ABHD14A: variants seen among roughly 807,000 people sequenced by gnomAD.
ABHD14A encodes the protein abhydrolase domain containing 14A.
A neutral mutation model predicts 27.0 loss-of-function variants in ABHD14A; 19 were observed. The ratio of observed to expected loss-of-function variants is 0.70; its 90% CI spans 0.49 to 1.03. ABHD14A has a LOEUF of 1.03. Ranked by LOEUF, ABHD14A falls within the 50% of genes least tolerant of loss-of-function variation. ABHD14A has a pLI of 0.00. For missense variants in ABHD14A, 311 were observed against 344.6 expected (o/e 0.90, Z 0.77); for synonymous variants, 148 against 158.8 (o/e 0.93, Z 0.51).
Position 51,980,450 on chromosome 3 carries a change from T to C in ABHD14A, c.455T>C (p.Leu152Pro). The C allele has an allele frequency of 1.2e-6, 2 of 1,613,406 alleles. No homozygotes were observed. The highest frequency in any genetic ancestry group is 1.1e-5 in the South Asian group (1 of 91,056). The part of the protein sequence containing the change: ...EASTEAGRAA[L>P]LERALRDLEV... ...AGCACAGAGGCAGGGCGGGCAGCGC[T>C]GCTGGAGCGGGCGCTGCGGGACCTG... is the stretch of plus-strand genomic sequence containing the variant. The change falls in exon 4 of 5, where the codon CTG becomes CCG. Residue 152 changes from leucine (L) to proline (P), a missense_variant. Transcript: ENST00000273596.
At chr3:51,980,323 C>A in intron 3 of ABHD14A, 70 bp from the exon 4 acceptor site, 2 of 1,462,520 alleles carry the variant, frequency 1.4e-6, no homozygotes, top group East Asian at 2.3e-5. Context: ...CTTTTTCCCC[C>A]ACTGTGGTGG....
chr3:51,978,717 C>T (rs1481679008), intron 3 of ABHD14A: 1 of 271,674 alleles, frequency 3.7e-6, no homozygotes, highest in Non-Finnish European at 7.6e-6. Flanking sequence ...TCCGCTTCCC[C>T]AGTAGCTGAG....
At chr3:51,979,835 A>G (rs1245921792) in intron 3 of ABHD14A, among the ~76,000 whole-genome samples, 1 of 151,896 alleles carries the variant, frequency 6.6e-6, no homozygotes, top group Non-Finnish European at 1.5e-5. Flanking sequence ...CTCCAAAAAC[A>G]CTATATGGAT....
chr3:51,977,667 C>T (rs539255982), intron 1 of ABHD14A, among the ~76,000 whole-genome samples: 1 of 152,364 alleles, frequency 6.6e-6, no homozygotes, highest in Non-Finnish European at 1.5e-5. Flanking sequence ...GATGCACCTC[C>T]TCACACTGTG....
chr3:51,977,756 G>A, intron 1 of ABHD14A, 115 bp from the exon 2 acceptor site: 1 of 1,005,446 alleles, frequency 9.9e-7, no homozygotes, highest in Non-Finnish European at 1.5e-6. Context: ...AAGGGAAAGG[G>A]CAAGGGCTGG....
At chr3:51,978,577 TC>T (rs953839181) in intron 3 of ABHD14A, 1 of 383,464 alleles carries the variant, frequency 2.6e-6, no homozygotes, top group Non-Finnish European at 4.6e-6. Context: ...CAGTATACTT[TC>T]TTTTTTTTTA....
At chr3:51,977,785 G>A (rs1235056632) in intron 1 of ABHD14A, 86 bp from the exon 2 acceptor site, 16 of 1,270,688 alleles carry the variant, frequency 1.3e-5, no homozygotes, top group Non-Finnish European at 1.6e-5. Context: ...CTCTGCTGGG[G>A]ACTCTGGGTG....
chr3:51,980,023 T>C (rs2106817061), intron 3 of ABHD14A, among the ~76,000 whole-genome samples: 1 of 151,036 alleles, frequency 6.6e-6, no homozygotes, highest in East Asian at 2.0e-4. Flanking sequence ...CCGGGGTTCA[T>C]GCCATTCTCC....
Position 51,981,188 on chromosome 3 carries a change from G to T in ABHD14A, c.*170G>T, listed in dbSNP as rs1177079673. 2 of 715,838 alleles carry T rather than the reference G, an allele frequency of 2.8e-6. No homozygotes were observed. The highest frequency in any genetic ancestry group is 3.0e-5 in the Admixed American group (1 of 33,234). 44.3% of individuals were successfully genotyped at this position (715,838 alleles called of 1,614,324 possible). A position where few individuals can be genotyped will look rare whatever the true frequency, so the allele number is the denominator to read the frequency against. On this transcript the variant is annotated 3_prime_UTR_variant, in exon 5 of 5. Coordinates refer to ENST00000273596, the MANE Select transcript of ABHD14A (RefSeq NM_015407.5). ...CACAATAAAAAAGCATATTTGTCCTGCCTGGGAAGTGACAGGTTCCGTTTC... is the reference window on the plus strand; with the variant it reads ...CACAATAAAAAAGCATATTTGTCCTTCCTGGGAAGTGACAGGTTCCGTTTC...
At chr3:51,975,995 A>G (rs965226815) in intron 1 of ABHD14A, among the ~76,000 whole-genome samples, 2 of 152,336 alleles carry the variant, frequency 1.3e-5, no homozygotes, top group African/African-American at 4.8e-5. Flanking sequence ...GTCCACTACA[A>G]TTTCCTAGTA....
At chr3:51,977,545 A>C (rs1700811270) in intron 1 of ABHD14A, among the ~76,000 whole-genome samples, 1 of 152,210 alleles carries the variant, frequency 6.6e-6, no homozygotes, top group African/African-American at 2.4e-5. Context: ...CTTGTATGTG[A>C]AGTGCCACAC....
chr3:51,980,908 C>G lies in ABHD14A; in HGVS notation c.706C>G (p.Leu236Val). 1.2e-6 allele frequency: 2 copies of G among 1,614,202 alleles called. No homozygotes were observed. The highest frequency in any genetic ancestry group is 1.1e-5 in the South Asian group (1 of 91,092). ...ARESLRQLRHLPNHSVVKLRN... is the reference protein window; with the variant it reads ...ARESLRQLRHVPNHSVVKLRN... Reference sequence around the variant, plus strand: ...AGAGTCACTGCGGCAGCTCCGCCACCTGCCCAACCACTCTGTGGTGAAGCT... The same window carrying G: ...AGAGTCACTGCGGCAGCTCCGCCACGTGCCCAACCACTCTGTGGTGAAGCT... Residue 236 changes from leucine to valine, a missense_variant, in exon 5 of 5, where the codon CTG becomes GTG. Transcript: ENST00000273596.
chr3:51,975,963 C>A (rs1033664539), intron 1 of ABHD14A, among the ~76,000 whole-genome samples: 1 of 152,270 alleles, frequency 6.6e-6, no homozygotes, highest in African/African-American at 2.4e-5. Context: ...CCCCGCAAAC[C>A]CCCGCAGGCG....
rs1700900913 is a variant in ABHD14A, at chr3:51,981,102, G to A, written c.*84G>A. 3 of 1,490,014 alleles carry A rather than the reference G, an allele frequency of 2.0e-6. No homozygotes were observed. The highest frequency in any genetic ancestry group is 1.4e-5 in the African/African-American group (1 of 71,234). The allele number at this position is 1,490,014 out of a possible 1,614,324, so 92.3% of individuals were successfully genotyped here. ...TCCCTGAACCAGGGAGACAGCCTCTGGGATTGGAGGCCAGAGGCCAGGGTC... is the reference window on the plus strand; with the variant it reads ...TCCCTGAACCAGGGAGACAGCCTCTAGGATTGGAGGCCAGAGGCCAGGGTC... On this transcript the variant is annotated 3_prime_UTR_variant, in exon 5 of 5. Coordinates refer to ENST00000273596, the MANE Select transcript of ABHD14A (RefSeq NM_015407.5).
chr3:51,975,300 G>A (rs1700762726), intron 1 of ABHD14A, 96 bp downstream of exon 1: 4 of 1,150,664 alleles, frequency 3.5e-6, no homozygotes, highest in Non-Finnish European at 4.4e-6. Context: ...GAGTCCCGCG[G>A]AAGAAGCAGA....
At chr3:51,975,286 G>C in intron 1 of ABHD14A, 82 bp downstream of exon 1, 1 of 1,199,360 alleles carries the variant, frequency 8.3e-7, no homozygotes, top group Non-Finnish European at 1.0e-6. Flanking sequence ...GGCGCCCCGG[G>C]GCAGAGTCCC....
rs116315797 is a variant in ABHD14A at position 51,980,269 on chromosome 3, C to A, written c.398-124C>A. The A allele has an allele frequency of 4.3e-3, 3,557 of 827,996 alleles. 76 individuals carry two copies. In the African/African-American group the frequency reaches 0.053, roughly 12 times the overall value. The allele number at this position is 827,996 out of a possible 1,614,324, so 51.3% of individuals were successfully genotyped here. A position where few individuals can be genotyped will look rare whatever the true frequency, so the allele number is the denominator to read the frequency against. ...ATATTACATTACCAGAAAATAGCTT[C>A]TGGGCAGTTTTAGGTAGTGTGTGCC... On this transcript the variant is annotated intron_variant, in intron 3 of 4. Coordinates refer to ENST00000273596, the MANE Select transcript of ABHD14A (RefSeq NM_015407.5).
Position 51,980,941 on chromosome 3 carries a change from G to T in ABHD14A, c.739G>T (p.Ala247Ser). Residue 247 changes from alanine to serine, a missense_variant, in exon 5 of 5, where the codon GCA becomes TCA. Coordinates refer to ENST00000273596, the MANE Select transcript of ABHD14A (RefSeq NM_015407.5). ...PNHSVVKLRN[A>S]GHACYLHKPQ... is the part of the protein sequence containing the mutation. ...CCACTCTGTGGTGAAGCTACGCAATGCAGGCCATGCCTGTTACCTCCACAA... is the reference window on the plus strand; with the variant it reads ...CCACTCTGTGGTGAAGCTACGCAATTCAGGCCATGCCTGTTACCTCCACAA... 3 of 1,614,142 alleles carry T rather than the reference G, an allele frequency of 1.9e-6. No individual in the cohort carries two copies. Among genetic ancestry groups the T allele is most frequent in the Non-Finnish European group, 2.5e-6 (3 of 1,180,036 alleles).
At position 51,981,008 on chromosome 3, in the gene ABHD14A, A is replaced by G; in HGVS notation, c.806A>G (p.His269Arg). ...FHLVLLAFLD[H>R]LP ...CTTGTCCTGCTTGCCTTCCTTGACC[A>G]TCTACCTTGAACTAACCCACTCCCA... Residue 269 changes from histidine (H) to arginine (R), a missense_variant, in exon 5 of 5, where the codon CAT (histidine) becomes CGT (arginine). By Grantham distance (29) the His-to-Arg change is conservative. Coordinates refer to ENST00000273596, the MANE Select transcript of ABHD14A (RefSeq NM_015407.5). 6.2e-7 allele frequency: 1 copy of G among 1,612,458 alleles called. No individual in the cohort carries two copies. Among genetic ancestry groups the G allele is most frequent in the Non-Finnish European group, 8.5e-7 (1 of 1,178,658 alleles).
Sources: allele counts gnomAD v4.1 joint callset (sites outside exome capture counted in the v4.1 genomes callset), GRCh38; gene constraint gnomAD v4.1.1; transcripts MANE v1.5; gene names NCBI Gene and HGNC (gene_info 2026-07-23, HGNC 2026-07-21).